Variants in NLRP2 observed in about 807,000 individuals in gnomAD.
The protein encoded by NLRP2 is NACHT, LRR and PYD domains-containing protein 2.
A neutral mutation model predicts 97.2 loss-of-function variants in NLRP2; 107 were observed. That is an observed-to-expected ratio of 1.10 (90% CI 0.94 to 1.29). The LOEUF is 1.29. Ranked by LOEUF, NLRP2 falls within the 50% of genes most tolerant of loss-of-function variation. The probability of loss-of-function intolerance (pLI) is 0.00; values close to 1 mark genes in which losing one functional copy is unlikely to be tolerated. For synonymous variants in NLRP2, 663 were observed against 551.5 expected (o/e 1.20, Z -2.83); for missense variants, 1,495 against 1,330.3 (o/e 1.12, Z -1.93).
rs1004935353 is a variant in NLRP2, at chr19:54,975,113, T to G, written c.325+569T>G. 6.1e-3 allele frequency among the ~76,000 whole-genome samples: 85 copies of G among 13,898 alleles called. No individual in the cohort carries two copies. In the African/African-American group the frequency reaches 0.065, roughly 11 times the overall value. The allele number at this position is 13,898 out of a possible 152,430, so 9.1% of individuals were successfully genotyped here. ...ACCACCACACCCGGTTTTGTTTTTT[T>G]TTTTTTTTTTTTTTTTTTTTTTTTT... On this transcript the variant is annotated intron_variant, in intron 3 of 12. Coordinates refer to ENST00000448584, the MANE Select transcript of NLRP2 (RefSeq NM_017852.5).
chr19:54,997,071 C>T (rs940061124), intron 11 of NLRP2, among the ~76,000 whole-genome samples: 2 of 152,146 alleles, frequency 1.3e-5, no homozygotes, highest in Admixed American at 1.3e-4. Flanking sequence ...CCACGCCCAG[C>T]TAACTTCTGT....
rs1241342536 is a variant in NLRP2 at position 54,981,677 on chromosome 19, A to G, written c.458A>G (p.Lys153Arg). 34 of 1,557,994 alleles carry G rather than the reference A, an allele frequency of 2.2e-5. No homozygotes were observed. Among genetic ancestry groups the G allele is most frequent in the Non-Finnish European group, 3.0e-5 (34 of 1,128,788 alleles). Reference protein sequence around the residue: ...CLGKEVFKGKKPDKDNRCRYI... With the variant: ...CLGKEVFKGKRPDKDNRCRYI... Reference sequence around the variant, plus strand: ...GGTAAAGAAGTCTTTAAAGGAAAAAAGCCAGGTCTGTACCATATCTTCCTG... The same window carrying G: ...GGTAAAGAAGTCTTTAAAGGAAAAAGGCCAGGTCTGTACCATATCTTCCTG... The change falls in exon 5 of 13, where the codon AAG (lysine) becomes AGG (arginine). Residue 153 changes from lysine to arginine, a missense_variant. Transcript: ENST00000448584.
chr19:54,977,708 T>G, intron 3 of NLRP2, 44 bp from the exon 4 acceptor site: 1 of 1,601,068 alleles, frequency 6.2e-7, no homozygotes, highest in Non-Finnish European at 8.6e-7. Context: ...GGAGTCCCAC[T>G]GCCAGCACAG....
At chr19:54,974,177 A>C in intron 2 of NLRP2, 2 of 595,450 alleles carry the variant, frequency 3.4e-6, no homozygotes, top group Non-Finnish European at 6.2e-6. Flanking sequence ...AAAATGGTGA[A>C]ACCCCATCTC....
intron 4 of NLRP2, among the ~76,000 whole-genome samples, chr19:54,981,072 C>T (rs980483093): frequency 6.6e-6 from 1 of 152,180 alleles, no homozygotes; most frequent in Non-Finnish European, 1.5e-5. Context: ...GATTGCGCCA[C>T]TGCACTCCAG....
In NLRP2 at chr19:54,997,496, C is replaced by T. The variant is rs1308512506; in HGVS notation, c.3050+9C>T. ...ACCCTCCGGACACTCAGGTATGATC[C>T]ATTTACTTCCCCATCAGGCTTTCTC... On this transcript the variant is annotated intron_variant, in intron 12 of 12. Coordinates refer to ENST00000448584, the MANE Select transcript of NLRP2 (RefSeq NM_017852.5). The T allele has an allele frequency of 4.3e-6, 7 of 1,614,052 alleles. No individual in the cohort carries two copies. The highest frequency in any genetic ancestry group is 5.9e-6 in the Non-Finnish European group (7 of 1,179,932).
Position 54,968,387 on chromosome 19 carries a change from C to T in NLRP2, c.-17-1612C>T, listed in dbSNP as rs139696698. Among the ~76,000 whole-genome samples the T allele has an allele frequency of 8.9e-3, 1,345 of 151,714 alleles. 17 individuals are homozygous for T. The highest frequency in any genetic ancestry group is 0.031 in the African/African-American group (1,284 of 41,362). ...TTTACCAGGCTGGAGTGCAGTGGTG[C>T]GATCACAGCTCACTGCAGCCTTAAC... On this transcript the variant is annotated intron_variant, in intron 1 of 12. Transcript: ENST00000448584.
intron 1 of NLRP2, 100 bp from the exon 2 acceptor site, chr19:54,969,899 G>A (rs2070732287): frequency 8.7e-7 from 1 of 1,154,360 alleles, no homozygotes; most frequent in Admixed American, 1.7e-5. Flanking sequence ...AAGCAGGGTA[G>A]ATGGTGAGTG....
chr19:54,976,775 G>A, intron 3 of NLRP2: 2 of 412,990 alleles, frequency 4.8e-6, no homozygotes, highest in Non-Finnish European at 9.4e-6. Flanking sequence ...GGGTTAAGCT[G>A]CAGATATTGT....
Position 54,983,473 on chromosome 19 carries a change from G to A in NLRP2, c.1775G>A (p.Cys592Tyr). 1 of 1,614,216 alleles carries A rather than the reference G, an allele frequency of 6.2e-7. No individual in the cohort carries two copies. The highest frequency in any genetic ancestry group is 1.1e-5 in the South Asian group (1 of 91,082). ...KQELLRCDIS[C>Y]KGGHSTVTDL... ...GAATTGCTGCGATGCGACATAAGTTGTAAGGGTGGACATTCAACGGTGACA... is the reference window on the plus strand; with the variant it reads ...GAATTGCTGCGATGCGACATAAGTTATAAGGGTGGACATTCAACGGTGACA... The change falls in exon 6 of 13, where the codon TGT becomes TAT. Residue 592 changes from cysteine to tyrosine, a missense_variant. Coordinates refer to ENST00000448584, the MANE Select transcript of NLRP2 (RefSeq NM_017852.5).
rs2071732920 is a variant in NLRP2 at position 54,983,072 on chromosome 19, G to A, written c.1374G>A (p.Leu458=). The A allele has an allele frequency of 1.2e-6, 2 of 1,612,618 alleles. No individual in the cohort carries two copies. Among genetic ancestry groups the A allele is most frequent in the African/African-American group, 2.7e-5 (2 of 74,918 alleles). ...TGAGCCTCCTGGCCGCGCAGGGCCT[G>A]TGGGCGCAGACGTCCGTGCTTCACC... The part of the protein sequence containing the change: ...RTLSLLAAQG[L]WAQTSVLHRE... Residue 458 remains leucine (L), a synonymous_variant, in exon 6 of 13, where the codon CTG becomes CTA. Transcript: ENST00000448584.
chr19:54,984,661 T>C (rs554829574), intron 6 of NLRP2, among the ~76,000 whole-genome samples: 1 of 151,528 alleles, frequency 6.6e-6, no homozygotes, highest in East Asian at 1.9e-4. Flanking sequence ...TTTTGTACTT[T>C]TAGTAGAGAC....
Position 54,983,004 on chromosome 19 carries a change from C to G in NLRP2, c.1306C>G (p.Arg436Gly). The change falls in exon 6 of 13, where the codon CGG becomes GGG. Residue 436 changes from arginine (R) to glycine (G), a missense_variant. Coordinates refer to ENST00000448584, the MANE Select transcript of NLRP2 (RefSeq NM_017852.5). ...GCTGTTCCTGCGTTTCCTCTGCAGC[C>G]GGTTCCCGCAGGGCGCACAGCTGCG... Reference protein sequence around the residue: ...TGLFLRFLCSRFPQGAQLRGA... With the variant: ...TGLFLRFLCSGFPQGAQLRGA... 3.7e-6 allele frequency: 6 copies of G among 1,610,678 alleles called. No homozygotes were observed. The highest frequency in any genetic ancestry group is 4.2e-6 in the Non-Finnish European group (5 of 1,179,438).
At chr19:54,966,567 AC>A (rs2070428099) in intron 1 of NLRP2, 100 bp downstream of exon 1, 1 of 151,962 alleles carries the variant, frequency 6.6e-6, no homozygotes, top group African/African-American at 2.4e-5. Flanking sequence ...TTTTTCTGAG[AC>A]GGAGTCTCGC....
Position 54,985,060 on chromosome 19 carries a change from C to G in NLRP2, c.2044C>G (p.Gln682Glu), listed in dbSNP as rs542090265. The change falls in exon 7 of 13, where the codon CAG (glutamine) becomes GAG (glutamate). Residue 682 changes from glutamine (Q) to glutamate (E), a missense_variant. Coordinates refer to ENST00000448584, the MANE Select transcript of NLRP2 (RefSeq NM_017852.5). Reference sequence around the variant, plus strand: ...TCTTCCCTATAGATCCCAGGATGATCAGCACATGCTTCCTTTCTGGACGGA... The same window carrying G: ...TCTTCCCTATAGATCCCAGGATGATGAGCACATGCTTCCTTTCTGGACGGA... ...DAEVERSQDD[Q>E]HMLPFWTDLC... 6.2e-7 allele frequency: 1 copy of G among 1,614,096 alleles called. No homozygotes were observed. Among genetic ancestry groups the G allele is most frequent in the African/African-American group, 1.3e-5 (1 of 75,046 alleles).
intron 11 of NLRP2, among the ~76,000 whole-genome samples, 194 bp downstream of exon 11, chr19:54,994,633 G>A (rs1388661107): frequency 6.9e-6 from 1 of 145,968 alleles, no homozygotes; most frequent in Non-Finnish European, 1.5e-5. Flanking sequence ...TTTTTTTCTT[G>A]AAGTTTTGCT....
rs936255713 is a variant in NLRP2 at position 54,990,360 on chromosome 19, A to G, written c.2538-142A>G. 2.1e-5 allele frequency: 23 copies of G among 1,112,810 alleles called. No homozygotes were observed. In the Admixed American group the frequency reaches 2.1e-4, roughly 10 times the overall value. The allele number at this position is 1,112,810 out of a possible 1,614,324, so 68.9% of individuals were successfully genotyped here. A position where few individuals can be genotyped will look rare whatever the true frequency, so the allele number is the denominator to read the frequency against. ...TGAATTTTGTTCTTCTCTCATTCCT[A>G]TTCCTTCATAGGATCACCAGTGCAT... On this transcript the variant is annotated intron_variant, in intron 9 of 12. Transcript: ENST00000448584.
intron 11 of NLRP2, 50 bp from the exon 12 acceptor site, chr19:54,997,267 C>T: frequency 6.3e-7 from 1 of 1,594,214 alleles, no homozygotes; most frequent in Non-Finnish European, 8.6e-7. Flanking sequence ...TGCCGGAGGG[C>T]ATCGATCAGC....
chr19:54,970,910 C>T (rs1360257215), intron 2 of NLRP2, among the ~76,000 whole-genome samples: 32 of 141,094 alleles, frequency 2.3e-4, no homozygotes, highest in African/African-American at 3.4e-4. Flanking sequence ...CATGCTGGTG[C>T]GCTGCACCCA....
Sources: allele counts gnomAD v4.1 joint callset (sites outside exome capture counted in the v4.1 genomes callset), GRCh38; gene constraint gnomAD v4.1.1; transcripts MANE v1.5; gene names NCBI Gene and HGNC (gene_info 2026-07-23, HGNC 2026-07-21).